RSPH6A: variants seen among roughly 807,000 people sequenced by gnomAD.
RSPH6A encodes radial spoke head protein 6 homolog A.
Under a neutral mutation model 66.1 loss-of-function variants are expected in RSPH6A, and 49 were observed. The observed-to-expected ratio is 0.74, with a 90% CI of 0.59 to 0.94. RSPH6A has a LOEUF of 0.94. Among genes scored for constraint, RSPH6A ranks in the 40% least tolerant of loss-of-function variants. The pLI is 0.00. For missense variants in RSPH6A, 977 were observed against 948.3 expected, an observed-to-expected ratio of 1.03 and a Z score of -0.40; for synonymous variants, 419 against 402.4, an observed-to-expected ratio of 1.04 and a Z score of -0.49.
At chr19:45,798,722 C>G (rs181093867) in intron 5 of RSPH6A, among the ~76,000 whole-genome samples, 1 of 151,206 alleles carries the variant, frequency 6.6e-6, no homozygotes, top group South Asian at 2.1e-4. Flanking sequence ...ACCTGTAGTC[C>G]CAGCTACTTG....
chr19:45,802,158 A>G lies in RSPH6A; in HGVS notation c.1760T>C (p.Val587Ala). 1 of 1,554,750 alleles carries G rather than the reference A, an allele frequency of 6.4e-7. No individual in the cohort carries two copies. The highest frequency in any genetic ancestry group is 8.7e-7 in the Non-Finnish European group (1 of 1,145,376). Residue 587 changes from valine to alanine, a missense_variant, in exon 4 of 6, where the codon GTT becomes GCT. Transcript: ENST00000221538. ...AAGTGGCGTTAGCAGTGGGGGGCCA[A>G]CCTCCTGCTCCACCTCCTCTGGCCC... ...DEGPEEVEQE[V>A]GPPLLTPLSE...
At chr19:45,800,346 C>A in intron 5 of RSPH6A, 100 bp downstream of exon 5, 1 of 1,007,194 alleles carries the variant, frequency 9.9e-7, no homozygotes, top group Non-Finnish European at 1.5e-6. Context: ...TGAAGGGGGC[C>A]CTCCCCATCT....
In RSPH6A at chr19:45,815,035, G is replaced by A. The variant is rs61730713; in HGVS notation, c.142C>T (p.Pro48Ser). Residue 48 changes from proline to serine, a missense_variant, in exon 1 of 6, where the codon CCA becomes TCA. Coordinates refer to ENST00000221538, the MANE Select transcript of RSPH6A (RefSeq NM_030785.4). ...ADPEERQQIP[P>S]DAQRNAPGWS... ...CCAGGGGCGTTTCGCTGGGCGTCTG[G>A]AGGTATCTGCTGCCTCTCCTCGGGG... 1,032 of 1,613,686 alleles carry A rather than the reference G, an allele frequency of 6.4e-4. 2 individuals carry two copies. The highest frequency in any genetic ancestry group is 5.9e-3 in the African/African-American group (439 of 75,042).
At chr19:45,807,048 C>A (rs1043251672) in intron 2 of RSPH6A, among the ~76,000 whole-genome samples, 1 of 151,488 alleles carries the variant, frequency 6.6e-6, no homozygotes, top group East Asian at 2.0e-4. Flanking sequence ...CGTGCACCAC[C>A]ACACCCAGCT....
intron 1 of RSPH6A, among the ~76,000 whole-genome samples, chr19:45,813,873 C>T (rs1970662276): frequency 6.6e-6 from 1 of 152,038 alleles, no homozygotes; most frequent in South Asian, 2.1e-4. Flanking sequence ...AAGAGGGTCT[C>T]AGGAGGGCTG....
chr19:45,811,213 C>T (rs1398011334), intron 1 of RSPH6A, among the ~76,000 whole-genome samples: 4 of 151,760 alleles, frequency 2.6e-5, no homozygotes, highest in African/African-American at 9.7e-5. Flanking sequence ...AGGCTGGTCT[C>T]GAACTCCTGA....
chr19:45,795,906 CCCT>C lies in RSPH6A; in HGVS notation c.2114_2116del (p.Glu705del), dbSNP rs750552255. The C allele has an allele frequency of 4.3e-4, 653 of 1,520,046 alleles. No homozygotes were observed. The highest frequency in any genetic ancestry group is 9.5e-4 in the South Asian group (76 of 79,670). The allele number at this position is 1,520,046 out of a possible 1,614,324, so 94.2% of individuals were successfully genotyped here. On this transcript the variant is annotated inframe_deletion, in exon 6 of 6. Coordinates refer to ENST00000221538, the MANE Select transcript of RSPH6A (RefSeq NM_030785.4). ...CTCCTCGCCCTCCTCCTCCTCCTCG[CCCT>C]CCTCCTCCTCCTCTGTGGCTCCCAG...
chr19:45,815,236 G>GAGCC lies in RSPH6A; in HGVS notation c.-64_-61dup, dbSNP rs1460731012. On this transcript the variant is annotated 5_prime_UTR_variant, in exon 1 of 6. Transcript: ENST00000221538. ...GCTTGCAGACAAGGAGGCCAAGCGA[G>GAGCC]AGCCACCTGTCGACACCGCCGGTTT... The GAGCC allele has an allele frequency of 4.1e-6, 6 of 1,460,904 alleles. No individual in the cohort carries two copies. The highest frequency in any genetic ancestry group is 5.4e-6 in the Non-Finnish European group (6 of 1,106,476). The allele number at this position is 1,460,904 out of a possible 1,614,324, so 90.5% of individuals were successfully genotyped here.
chr19:45,804,407 A>G lies in RSPH6A; in HGVS notation c.1498T>C (p.Tyr500His). ...AATQVSPLGF[Y>H]QFSEEEGDEE... ...TCGCCCTCCTCCTCACTAAACTGGT[A>G]GAAGCCCAGCGGGCTGACCTGCGTG... Residue 500 changes from tyrosine (Y) to histidine (H), a missense_variant, in exon 3 of 6, where the codon TAC (tyrosine) becomes CAC (histidine). Tyr to His is a moderately conservative substitution (Grantham distance 83). Coordinates refer to ENST00000221538, the MANE Select transcript of RSPH6A (RefSeq NM_030785.4). The surrounding 1 kb of genome is among the most constrained non-coding windows in gnomAD (Gnocchi z 5.8). 1 of 1,613,274 alleles carries G rather than the reference A, an allele frequency of 6.2e-7. No homozygotes were observed. The highest frequency in any genetic ancestry group is 8.5e-7 in the Non-Finnish European group (1 of 1,179,826).
chr19:45,812,278 G>T (rs1248866976), intron 1 of RSPH6A, among the ~76,000 whole-genome samples: 1 of 151,216 alleles, frequency 6.6e-6, no homozygotes, highest in Non-Finnish European at 1.5e-5. Context: ...TTGTAGAGAT[G>T]GGGTTTTGCC....
At chr19:45,814,136 G>C (rs1324479504) in intron 1 of RSPH6A, among the ~76,000 whole-genome samples, 1 of 152,106 alleles carries the variant, frequency 6.6e-6, no homozygotes, top group African/African-American at 2.4e-5. Context: ...TCCAGCCTGG[G>C]TGACAGGGTG....
intron 5 of RSPH6A, among the ~76,000 whole-genome samples, chr19:45,798,462 G>GTCAC (rs1568596882): frequency 2.7e-5 from 4 of 150,896 alleles, no homozygotes; most frequent in Non-Finnish European, 4.4e-5. Context: ...ATTGCTTGAG[G>GTCAC]CCAGGAGGTG....
rs144362966 is a variant in RSPH6A, at chr19:45,813,563, T to C, written c.650+964A>G. On this transcript the variant is annotated intron_variant, in intron 1 of 5. Coordinates refer to ENST00000221538, the MANE Select transcript of RSPH6A (RefSeq NM_030785.4). ...TTTCGCCATGTTGGCAAGGCTGGTCTCGAACTCCTGACCTCAGGTGATCCG... is the reference window on the plus strand; with the variant it reads ...TTTCGCCATGTTGGCAAGGCTGGTCCCGAACTCCTGACCTCAGGTGATCCG... 5.5e-3 allele frequency among the ~76,000 whole-genome samples: 842 copies of C among 152,316 alleles called. 10 individuals carry two copies. The highest frequency in any genetic ancestry group is 0.019 in the African/African-American group (807 of 41,566).
chr19:45,801,684 C>A (rs150794268), intron 4 of RSPH6A, among the ~76,000 whole-genome samples: 3 of 152,076 alleles, frequency 2.0e-5, no homozygotes, highest in Non-Finnish European at 4.4e-5. Flanking sequence ...TGCAGGAACC[C>A]GAGAGGTTGA....
chr19:45,796,895 G>A (rs549221891), intron 5 of RSPH6A, among the ~76,000 whole-genome samples: 32 of 152,038 alleles, frequency 2.1e-4, no homozygotes, highest in Non-Finnish European at 4.3e-4. Flanking sequence ...GTGATCTGCC[G>A]CCTCCACCTC....
At chr19:45,812,099 AT>A (rs59310453) in intron 1 of RSPH6A, among the ~76,000 whole-genome samples, 89,846 of 148,090 alleles carry the variant, frequency 0.61, 28,585 homozygotes, top group African/African-American at 0.81. Context: ...TATTTTTTGT[AT>A]TTTTTTTTTG....
At chr19:45,800,149 G>C (rs979043619) in intron 5 of RSPH6A, among the ~76,000 whole-genome samples, 1 of 152,224 alleles carries the variant, frequency 6.6e-6, no homozygotes, top group Non-Finnish European at 1.5e-5. Flanking sequence ...GCTGTCATCA[G>C]GGGGCTGGAG....
intron 2 of RSPH6A, among the ~76,000 whole-genome samples, chr19:45,809,524 T>C (rs1024994074): frequency 1.3e-5 from 2 of 151,600 alleles, no homozygotes; most frequent in African/African-American, 4.9e-5. Context: ...ATGGTCTTGA[T>C]CTCCTGACCT....
chr19:45,812,950 C>T (rs968331848), intron 1 of RSPH6A, among the ~76,000 whole-genome samples: 9 of 152,034 alleles, frequency 5.9e-5, no homozygotes, highest in African/African-American at 2.4e-5. Context: ...TCTGCCTCAG[C>T]CTCCCAAAGT....
Sources: gnomAD v4.1 joint callset for allele counts (sites outside exome capture counted in the v4.1 genomes callset) on GRCh38, gnomAD v4.1.1 for gene constraint, Gnocchi (gnomAD v3.1) non-coding constraint, MANE v1.5 for transcripts, NCBI Gene and HGNC (gene_info 2026-07-23, HGNC 2026-07-21) for gene names.